SRRM4: variants seen among roughly 807,000 people sequenced by gnomAD.
The protein encoded by SRRM4 is serine/arginine repetitive matrix 4.
Under a neutral mutation model 68.9 loss-of-function variants are expected in SRRM4, and 33 were observed. The ratio of observed to expected loss-of-function variants is 0.48; its 90% CI spans 0.36 to 0.64. The LOEUF (loss-of-function observed/expected upper bound fraction) is 0.64. SRRM4 is among the 30% of genes least tolerant of loss of function. SRRM4 has a pLI of 0.00. For missense variants in SRRM4, 817 were observed against 827.1 expected, an observed-to-expected ratio of 0.99 and a Z score of 0.15; for synonymous variants, 318 against 318.8, an observed-to-expected ratio of 1.00 and a Z score of 0.03.
At position 119,156,859 on chromosome 12, in the gene SRRM4, T is replaced by C. The variant is rs916544861; in HGVS notation, c.*61T>C. The C allele has an allele frequency of 8.2e-6, 12 of 1,463,002 alleles. No individual in the cohort carries two copies. In the African/African-American group the frequency reaches 1.6e-4, roughly 19 times the overall value. 90.6% of individuals were successfully genotyped at this position (1,463,002 alleles called of 1,614,324 possible). A position where few individuals can be genotyped will look rare whatever the true frequency, so the allele number is the denominator to read the frequency against. ...GCGCTGCCAGCCTCCCCCAACCACC[T>C]GCCCTCCCCGCCTTCTTGGTGACAA... is the stretch of plus-strand genomic sequence containing the variant. On this transcript the variant is annotated 3_prime_UTR_variant, in exon 13 of 13. Transcript: ENST00000267260.
At chr12:119,113,960 G>A (rs763950043) in intron 2 of SRRM4, 1 of 189,436 alleles carries the variant, frequency 5.3e-6, no homozygotes, top group African/African-American at 2.3e-5. Flanking sequence ...TATTTAAAAA[G>A]TGATTTATTT....
intron 6 of SRRM4, among the ~76,000 whole-genome samples, chr12:119,122,458 A>G (rs1766045190): frequency 6.6e-6 from 1 of 152,148 alleles, no homozygotes; most frequent in South Asian, 2.1e-4. Context: ...GTTGCATGAA[A>G]GGGTGCATGT....
At chr12:119,139,070 A>G (rs751382333) in intron 8 of SRRM4, among the ~76,000 whole-genome samples, 4 of 152,218 alleles carry the variant, frequency 2.6e-5, no homozygotes, top group Non-Finnish European at 4.4e-5. Flanking sequence ...CTCCCAATGC[A>G]TGAAGAGGAG....
Position 119,120,275 on chromosome 12 carries a change from A to G in SRRM4, c.463A>G (p.Ser155Gly), listed in dbSNP as rs1305968036. The G allele has an allele frequency of 3.2e-6, 5 of 1,550,128 alleles. No homozygotes were observed. The Admixed American group carries it at 7.9e-5, about 24-fold the overall frequency. Residue 155 changes from serine to glycine, a missense_variant and splice_region_variant, in exon 5 of 13, where the codon AGC (serine) becomes GGC (glycine). Coordinates refer to ENST00000267260, the MANE Select transcript of SRRM4 (RefSeq NM_194286.4). ...RRSFSKKRRHSSSSPKSKRRD... is the reference protein window; with the variant it reads ...RRSFSKKRRHGSSSPKSKRRD... ...GTCATTCTCCAAGAAGAGAAGGCACAGGTAAGACTCTTGTTCTCTGACTGC... is the reference window on the plus strand; with the variant it reads ...GTCATTCTCCAAGAAGAGAAGGCACGGGTAAGACTCTTGTTCTCTGACTGC...
chr12:119,006,551 A>G (rs1953417570), intron 1 of SRRM4, among the ~76,000 whole-genome samples: 1 of 152,078 alleles, frequency 6.6e-6, no homozygotes, highest in Non-Finnish European at 1.5e-5. Context: ...GCTCTTGGGA[A>G]TGGGTTCTGC....
chr12:119,062,418 T>G (rs1953820270), intron 1 of SRRM4, among the ~76,000 whole-genome samples: 1 of 152,226 alleles, frequency 6.6e-6, no homozygotes, highest in Non-Finnish European at 1.5e-5. Context: ...TAGATTAACC[T>G]TAGCTTACTT....
At chr12:119,017,632 G>A (rs1407183580) in intron 1 of SRRM4, among the ~76,000 whole-genome samples, 2 of 152,170 alleles carry the variant, frequency 1.3e-5, no homozygotes, top group Admixed American at 6.5e-5. Context: ...CTAATATCTT[G>A]GGGACTAGAA....
At chr12:118,987,958 A>G (rs986691043) in intron 1 of SRRM4, among the ~76,000 whole-genome samples, 1 of 152,258 alleles carries the variant, frequency 6.6e-6, no homozygotes, top group African/African-American at 2.4e-5. Context: ...GTTGTGATAC[A>G]TATAATGTAC....
chr12:118,983,229 T>C (rs1565882911), intron 1 of SRRM4, among the ~76,000 whole-genome samples: 1 of 152,238 alleles, frequency 6.6e-6, no homozygotes, highest in Non-Finnish European at 1.5e-5. Context: ...AGTTTTCCTC[T>C]TCACTGTCTT....
chr12:119,067,897 T>C (rs567597310), intron 1 of SRRM4, among the ~76,000 whole-genome samples: 18 of 152,150 alleles, frequency 1.2e-4, no homozygotes, highest in Admixed American at 4.6e-4. Context: ...ATAATGCACA[T>C]AAAGCTCTTA....
At chr12:119,030,569 G>T (rs1365115129) in intron 1 of SRRM4, among the ~76,000 whole-genome samples, 5 of 152,140 alleles carry the variant, frequency 3.3e-5, no homozygotes, top group Non-Finnish European at 7.4e-5. Context: ...TCTAAAATTT[G>T]AAGGTAAACA....
rs758927936 is a variant in SRRM4, at chr12:119,162,500, T to C, written c.*5702T>C. The C allele has an allele frequency of 1.4e-4, 21 of 152,198 alleles. No individual in the cohort carries two copies. Among genetic ancestry groups the C allele is most frequent in the Non-Finnish European group, 1.9e-4 (13 of 68,046 alleles). 9.4% of individuals were successfully genotyped at this position (152,198 alleles called of 1,614,324 possible). A position where few individuals can be genotyped will look rare whatever the true frequency, so the allele number is the denominator to read the frequency against. The stretch of plus-strand genomic sequence containing the variant: ...CCAGTGACATAGGTCATATTGCCAC[T>C]TTTCAGAGGAGAAAACTGAGGCTCA... On this transcript the variant is annotated 3_prime_UTR_variant, in exon 13 of 13. Transcript: ENST00000267260.
chr12:119,016,682 C>T (rs369895872), intron 1 of SRRM4, among the ~76,000 whole-genome samples: 2 of 152,162 alleles, frequency 1.3e-5, no homozygotes, highest in Non-Finnish European at 2.9e-5. Flanking sequence ...CCACTGAGTG[C>T]CATTTACTTT....
chr12:119,052,381 T>C (rs1953748425), intron 1 of SRRM4, among the ~76,000 whole-genome samples: 1 of 152,190 alleles, frequency 6.6e-6, no homozygotes, highest in South Asian at 2.1e-4. Flanking sequence ...ACATCCAATT[T>C]AGTGTTTCCA....
At chr12:119,093,600 C>A (rs549978344) in intron 1 of SRRM4, among the ~76,000 whole-genome samples, 1 of 152,322 alleles carries the variant, frequency 6.6e-6, no homozygotes, top group East Asian at 1.9e-4. Flanking sequence ...TCCAGCTGAT[C>A]CCCAGGGGAC....
At chr12:119,056,497 C>G (rs1326372356) in intron 1 of SRRM4, among the ~76,000 whole-genome samples, 2 of 152,218 alleles carry the variant, frequency 1.3e-5, no homozygotes, top group African/African-American at 2.4e-5. Context: ...CTTGGAATCT[C>G]TTTGCTGTGA....
chr12:119,114,306 C>T lies in SRRM4; in HGVS notation c.307C>T (p.Pro103Ser), dbSNP rs1252757156. ...SASHDKDLTP[P>S]PSSRGKKKKK... is the part of the protein sequence containing the mutation. ...CTCTCATGACAAAGACTTGACACCA[C>T]CACCTTCCTCCAGGGGAAAGAAGAA... Residue 103 changes from proline (P) to serine (S), a missense_variant, in exon 3 of 13, where the codon CCA becomes TCA. Coordinates refer to ENST00000267260, the MANE Select transcript of SRRM4 (RefSeq NM_194286.4). The T allele has an allele frequency of 6.2e-7, 1 of 1,612,534 alleles. No homozygotes were observed. The highest frequency in any genetic ancestry group is 8.5e-7 in the Non-Finnish European group (1 of 1,179,314).
chr12:119,041,564 A>C (rs537578359), intron 1 of SRRM4, among the ~76,000 whole-genome samples: 1 of 152,378 alleles, frequency 6.6e-6, no homozygotes, highest in South Asian at 2.1e-4. Flanking sequence ...TCCCATGGAC[A>C]TTTCAAAGTT....
chr12:119,119,089 C>T (rs1272562044), intron 4 of SRRM4, among the ~76,000 whole-genome samples: 46 of 140,986 alleles, frequency 3.3e-4, no homozygotes, highest in African/African-American at 1.1e-3. Context: ...GTTAGCAAGG[C>T]TTCTGAGTTT....
Sources: allele counts gnomAD v4.1 joint callset (sites outside exome capture counted in the v4.1 genomes callset), GRCh38; gene constraint gnomAD v4.1.1; transcripts MANE v1.5; gene names NCBI Gene and HGNC (gene_info 2026-07-23, HGNC 2026-07-21).